The following MCTP1 variants were observed in gnomAD, a reference collection of about 807,000 sequenced individuals.
MCTP1 encodes the protein multiple C2 and transmembrane domain containing 1, also known as multiple C2 and transmembrane domain-containing protein 1.
MCTP1 carries 69 observed loss-of-function variants against 120.6 expected under a neutral mutation model. The ratio of observed to expected loss-of-function variants is 0.57; its 90% confidence interval spans 0.47 to 0.70. The LOEUF is 0.70. MCTP1 is among the 30% of genes least tolerant of loss of function. The pLI is 0.00. For missense variants in MCTP1, 1,203 were observed against 1,248.8 expected, an observed-to-expected ratio of 0.96 and a Z score of 0.55; for synonymous variants, 529 against 493.1, an observed-to-expected ratio of 1.07 and a Z score of -0.96.
intron 1 of MCTP1, among the ~76,000 whole-genome samples, chr5:95,195,829 T>C (rs1397209021): frequency 6.6e-6 from 1 of 152,130 alleles, no homozygotes; most frequent in Non-Finnish European, 1.5e-5. Flanking sequence ...AAATGATATG[T>C]GTGTTAATTC....
At chr5:94,821,473 A>G (rs550152733) in intron 17 of MCTP1, among the ~76,000 whole-genome samples, 1 of 152,286 alleles carries the variant, frequency 6.6e-6, no homozygotes, top group South Asian at 2.1e-4. Context: ...CAGCACTAGA[A>G]TTAACGTATT....
At chr5:94,770,622 A>G (rs777977213) in intron 19 of MCTP1, among the ~76,000 whole-genome samples, 16 of 152,246 alleles carry the variant, frequency 1.1e-4, no homozygotes, top group Admixed American at 2.0e-4. Context: ...AAACATTCCA[A>G]GACTGGAGAG....
intron 19 of MCTP1, 102 bp from the exon 20 acceptor site, chr5:94,714,988 T>C (rs1395287227): frequency 2.8e-6 from 2 of 713,852 alleles, no homozygotes; most frequent in African/African-American, 1.8e-5. Context: ...TTAAATAAAC[T>C]TCATTTTCGT....
intron 2 of MCTP1, among the ~76,000 whole-genome samples, chr5:94,989,905 G>GA (rs1356634722): frequency 2.0e-5 from 3 of 152,216 alleles, no homozygotes; most frequent in Admixed American, 2.0e-4. Flanking sequence ...GTCACAGCCA[G>GA]AGAGGGCATG....
intron 19 of MCTP1, among the ~76,000 whole-genome samples, chr5:94,732,382 G>A (rs1384736603): frequency 6.6e-6 from 1 of 151,440 alleles, no homozygotes; most frequent in South Asian, 2.1e-4. Flanking sequence ...TTTTATGTGT[G>A]GCCCAAGACA....
intron 19 of MCTP1, among the ~76,000 whole-genome samples, chr5:94,737,819 G>C (rs932314826): frequency 1.3e-5 from 2 of 152,110 alleles, no homozygotes; most frequent in African/African-American, 4.8e-5. Context: ...TGGGAGTAGA[G>C]GTGTGCGCCA....
At chr5:94,808,532 A>C (rs146349380) in intron 17 of MCTP1, among the ~76,000 whole-genome samples, 94 of 152,282 alleles carry the variant, frequency 6.2e-4, no homozygotes, top group African/African-American at 2.2e-3. Flanking sequence ...GTACAGTGGC[A>C]TCTCTCCCTT....
intron 1 of MCTP1, among the ~76,000 whole-genome samples, chr5:95,242,062 C>CT (rs1734801729): frequency 6.6e-6 from 1 of 152,094 alleles, no homozygotes; most frequent in African/African-American, 2.4e-5. Flanking sequence ...CAGAGAAATG[C>CT]TTATCATCAT....
chr5:95,144,099 T>C (rs1481920053), intron 1 of MCTP1, among the ~76,000 whole-genome samples: 3 of 152,206 alleles, frequency 2.0e-5, no homozygotes, highest in Non-Finnish European at 4.4e-5. Context: ...ATAAGTGTTA[T>C]TCTGACTGGT....
chr5:94,894,886 A>G (rs781011685), intron 10 of MCTP1, 51 bp from the exon 11 acceptor site: 1 of 951,424 alleles, frequency 1.1e-6, no homozygotes, highest in Non-Finnish European at 1.5e-6. Flanking sequence ...TTTTTTTGCC[A>G]TATCAAACAG....
rs186721064 is a variant in MCTP1, at chr5:94,990,652, C to T, written c.838+26715G>A. Among the ~76,000 whole-genome samples the T allele has an allele frequency of 3.7e-3, 564 of 152,318 alleles. 4 individuals carry two copies. Among genetic ancestry groups the T allele is most frequent in the Middle Eastern group, 6.8e-3 (2 of 294 alleles). ...ACATTTATTACATTTGCAAAATTAG[C>T]ACAATCACAAGAGTGATATTCCATT... On this transcript the variant is annotated intron_variant, in intron 2 of 22. Transcript: ENST00000515393.
intron 19 of MCTP1, among the ~76,000 whole-genome samples, chr5:94,764,598 A>C (rs1451016456): frequency 1.3e-5 from 2 of 152,166 alleles, no homozygotes; most frequent in Non-Finnish European, 2.9e-5. Context: ...ACATCTGATA[A>C]AACAGATGTT....
chr5:94,998,494 G>A (rs571933230), intron 2 of MCTP1, among the ~76,000 whole-genome samples: 6 of 151,888 alleles, frequency 4.0e-5, no homozygotes, highest in Admixed American at 2.0e-4. Context: ...CTGGTAGACC[G>A]CCTGACAATA....
chr5:95,207,458 G>C (rs1240970709), intron 1 of MCTP1, among the ~76,000 whole-genome samples: 1 of 152,106 alleles, frequency 6.6e-6, no homozygotes, highest in Non-Finnish European at 1.5e-5. Flanking sequence ...AACAGTTTCT[G>C]CATACTCTTC....
At chr5:95,089,147 G>A (rs1006181290) in intron 1 of MCTP1, among the ~76,000 whole-genome samples, 1 of 152,162 alleles carries the variant, frequency 6.6e-6, no homozygotes, top group Non-Finnish European at 1.5e-5. Flanking sequence ...CTATAGGTCT[G>A]GAGATAGTTA....
At chr5:94,768,811 T>C (rs1561602632) in intron 19 of MCTP1, among the ~76,000 whole-genome samples, 1 of 152,180 alleles carries the variant, frequency 6.6e-6, no homozygotes, top group South Asian at 2.1e-4. Context: ...AGAGCCATTA[T>C]GGAAATCAAC....
chr5:95,067,814 T>G (rs566847986), intron 1 of MCTP1, among the ~76,000 whole-genome samples: 2 of 152,252 alleles, frequency 1.3e-5, no homozygotes, highest in South Asian at 2.1e-4. Context: ...TATTAAAAAT[T>G]TATTCCTTTG....
intron 22 of MCTP1, 111 bp downstream of exon 22, chr5:94,708,401 A>G: frequency 1.5e-6 from 1 of 654,464 alleles, no homozygotes; most frequent in Non-Finnish European, 2.6e-6. Context: ...AGGCTTTATT[A>G]ATTTTTACTC....
intron 19 of MCTP1, among the ~76,000 whole-genome samples, chr5:94,747,518 A>C (rs1365995397): frequency 6.6e-6 from 1 of 152,170 alleles, no homozygotes; most frequent in Non-Finnish European, 1.5e-5. Context: ...CTTCATTGAA[A>C]GCATGAAAGC....
Sources: gnomAD v4.1 joint callset for allele counts (sites outside exome capture counted in the v4.1 genomes callset) on GRCh38, gnomAD v4.1.1 for gene constraint, MANE v1.5 for transcripts, NCBI Gene and HGNC (gene_info 2026-07-23, HGNC 2026-07-21) for gene names.